The following RBFOX1 variants were observed in gnomAD, a reference collection of about 807,000 sequenced individuals.
The protein encoded by RBFOX1 is RNA binding protein fox-1 homolog 1.
RBFOX1 carries 8 observed loss-of-function variants against 57.7 expected under a neutral mutation model. The ratio of observed to expected loss-of-function variants is 0.14; its 90% CI spans 0.08 to 0.25. The LOEUF (loss-of-function observed/expected upper bound fraction) is 0.25. Ranked by LOEUF, RBFOX1 falls within the 10% of genes least tolerant of loss-of-function variation. The pLI is 1.00. For synonymous variants in RBFOX1, 326 were observed against 222.4 expected, an observed-to-expected ratio of 1.47 and a Z score of -4.15; for missense variants, 611 against 548.5, an observed-to-expected ratio of 1.11 and a Z score of -1.14.
intron 1 of RBFOX1, among the ~76,000 whole-genome samples, chr16:5,444,282 T>A (rs773274739): frequency 2.6e-5 from 4 of 152,220 alleles, no homozygotes; most frequent in Non-Finnish European, 5.9e-5. Context: ...TTGCTTCTGA[T>A]GACCTCATTG....
At chr16:6,339,251 C>G (rs762145466) in intron 2 of RBFOX1, among the ~76,000 whole-genome samples, 1 of 152,170 alleles carries the variant, frequency 6.6e-6, no homozygotes, top group Admixed American at 6.5e-5. Context: ...GACTTTCATA[C>G]TAAAGCCAGG....
intron 2 of RBFOX1, among the ~76,000 whole-genome samples, chr16:6,331,941 G>C (rs2083086195): frequency 6.6e-6 from 1 of 152,092 alleles, no homozygotes. Context: ...AGTTTCTCAT[G>C]CATGAGAGGC....
At chr16:6,550,099 AC>A (rs1382326249) in intron 2 of RBFOX1, among the ~76,000 whole-genome samples, 1 of 152,064 alleles carries the variant, frequency 6.6e-6, no homozygotes, top group Non-Finnish European at 1.5e-5. Context: ...TCCAGCTGAA[AC>A]ATTTTTCTCT....
chr16:6,889,694 A>G (rs1262508115), intron 3 of RBFOX1, among the ~76,000 whole-genome samples: 1 of 152,194 alleles, frequency 6.6e-6, no homozygotes, highest in Non-Finnish European at 1.5e-5. Context: ...ATGGTTGTTT[A>G]ATAAATTCTT....
chr16:6,885,492 A>G (rs2063805130), intron 3 of RBFOX1, among the ~76,000 whole-genome samples: 1 of 152,154 alleles, frequency 6.6e-6, no homozygotes, highest in South Asian at 2.1e-4. Context: ...GACAAAGTCC[A>G]GGATGGTGCA....
chr16:5,945,888 G>T (rs1043134951), intron 4 of RBFOX1, among the ~76,000 whole-genome samples: 1 of 152,108 alleles, frequency 6.6e-6, no homozygotes, highest in African/African-American at 2.4e-5. Flanking sequence ...CCTCCCACAG[G>T]GTGTCTGACA....
At chr16:6,958,401 C>T (rs928210445) in intron 3 of RBFOX1, among the ~76,000 whole-genome samples, 1 of 152,154 alleles carries the variant, frequency 6.6e-6, no homozygotes, top group Non-Finnish European at 1.5e-5. Context: ...TATTTCCCCC[C>T]CTTTTTATGA....
intron 3 of RBFOX1, among the ~76,000 whole-genome samples, chr16:5,864,892 A>G (rs1647739468): frequency 6.6e-6 from 1 of 152,238 alleles, no homozygotes; most frequent in Middle Eastern, 3.2e-3. Flanking sequence ...GTGGTTGAAT[A>G]TTCAAACCCT....
chr16:5,610,210 C>T (rs1334643555), intron 3 of RBFOX1: 2 of 152,248 alleles, frequency 1.3e-5, no homozygotes, highest in East Asian at 3.8e-4. Context: ...ATTCTTGTAT[C>T]CCCAGCACCT....
intron 4 of RBFOX1, among the ~76,000 whole-genome samples, chr16:7,273,589 A>G (rs1465982833): frequency 6.6e-6 from 1 of 152,216 alleles, no homozygotes; most frequent in Non-Finnish European, 1.5e-5. Context: ...GAAAAGTTGC[A>G]AACAAGATAC....
intron 3 of RBFOX1, among the ~76,000 whole-genome samples, chr16:6,975,587 A>G (rs1598864167): frequency 1.3e-5 from 2 of 152,182 alleles, no homozygotes; most frequent in East Asian, 3.9e-4. Flanking sequence ...ATATGTTGAT[A>G]GCACCTGGGA....
intron 13 of RBFOX1, among the ~76,000 whole-genome samples, chr16:7,667,111 G>A (rs969318828): frequency 2.6e-5 from 4 of 152,206 alleles, no homozygotes; most frequent in African/African-American, 7.2e-5. Context: ...AAAAGTTCCT[G>A]CAATATGAAT....
At chr16:6,494,173 C>T (rs1001765889) in intron 2 of RBFOX1, among the ~76,000 whole-genome samples, 8 of 152,164 alleles carry the variant, frequency 5.3e-5, no homozygotes, top group Non-Finnish European at 7.3e-5. Context: ...AGTATCACAT[C>T]GTATCGAGGA....
chr16:6,124,724 C>A (rs2096576533), intron 1 of RBFOX1, among the ~76,000 whole-genome samples: 1 of 152,040 alleles, frequency 6.6e-6, no homozygotes, highest in Non-Finnish European at 1.5e-5. Flanking sequence ...GACGGGGTTT[C>A]ACCATGTTGG....
intron 4 of RBFOX1, among the ~76,000 whole-genome samples, chr16:7,068,286 A>C (rs112138194): frequency 6.6e-6 from 1 of 152,288 alleles, no homozygotes; most frequent in African/African-American, 2.4e-5. Context: ...CCCCACTCTA[A>C]GTAGACTGAT....
chr16:5,640,433 G>A (rs1334731357), intron 3 of RBFOX1, among the ~76,000 whole-genome samples: 1 of 151,646 alleles, frequency 6.6e-6, no homozygotes, highest in Non-Finnish European at 1.5e-5. Context: ...ACATACACAT[G>A]CACATGAACA....
intron 3 of RBFOX1, among the ~76,000 whole-genome samples, chr16:6,738,499 G>A (rs12447823): frequency 0.097 from 14,731 of 152,088 alleles, 947 homozygotes; most frequent in African/African-American, 0.17. Context: ...GCAAAAACAT[G>A]TAGAACATAA....
chr16:6,786,194 C>G (rs75085831), intron 3 of RBFOX1, among the ~76,000 whole-genome samples: 2,997 of 152,260 alleles, frequency 0.02, 112 homozygotes, highest in African/African-American at 0.067. Flanking sequence ...GTTGACTCCT[C>G]ATTCCTTGGG....
chr16:6,763,979 A>C (rs7499430), intron 3 of RBFOX1, among the ~76,000 whole-genome samples: 3 of 152,206 alleles, frequency 2.0e-5, no homozygotes. Context: ...AAGTTTCTTT[A>C]CAGTGGCCAT....
Sources: allele counts gnomAD v4.1 joint callset (sites outside exome capture counted in the v4.1 genomes callset), GRCh38; gene constraint gnomAD v4.1.1; transcripts MANE v1.5; gene names NCBI Gene and HGNC (gene_info 2026-07-23, HGNC 2026-07-21).